The following POLD3 variants were observed in gnomAD, a reference collection of about 807,000 sequenced individuals.
POLD3 encodes the protein DNA polymerase delta subunit 3.
In POLD3, 19 loss-of-function variants were observed where a neutral mutation model predicts 58.2. That is an observed-to-expected ratio of 0.33 (90% CI 0.23 to 0.48). POLD3 has a LOEUF of 0.48. Among genes scored for constraint, POLD3 ranks in the 20% least tolerant of loss-of-function variants. POLD3 has a pLI of 0.99. For synonymous variants in POLD3, 172 were observed against 193.5 expected, an observed-to-expected ratio of 0.89 and a Z score of 0.92; for missense variants, 504 against 545.5, an observed-to-expected ratio of 0.92 and a Z score of 0.76.
chr11:74,600,466 GAAATACAA>G (rs1305483602), intron 2 of POLD3, among the ~76,000 whole-genome samples: 1 of 151,458 alleles, frequency 6.6e-6, no homozygotes, highest in African/African-American at 2.4e-5. Context: ...TGGCGCTACT[GAAATACAA>G]AAATACTAAA....
chr11:74,651,633 G>A (rs1244771911), intron 4 of POLD3, among the ~76,000 whole-genome samples: 2 of 152,210 alleles, frequency 1.3e-5, no homozygotes, highest in Non-Finnish European at 2.9e-5. Flanking sequence ...TGGTGAAAGT[G>A]ACATTTAAGT....
intron 4 of POLD3, among the ~76,000 whole-genome samples, chr11:74,667,772 G>A (rs961488594): frequency 9.2e-5 from 14 of 152,044 alleles, no homozygotes; most frequent in Admixed American, 6.6e-5. Flanking sequence ...CTCAAAAAAC[G>A]AAAAGACAAC....
chr11:74,625,078 A>C, intron 7 of POLD3, among the ~76,000 whole-genome samples: 1 of 152,216 alleles, frequency 6.6e-6, no homozygotes, highest in Non-Finnish European at 1.5e-5. Flanking sequence ...TATTGTTGGG[A>C]AACATCTTGT....
intron 7 of POLD3, among the ~76,000 whole-genome samples, chr11:74,620,934 T>C (rs1482063905): frequency 1.3e-5 from 2 of 152,166 alleles, no homozygotes; most frequent in African/African-American, 2.4e-5. Flanking sequence ...CTTTTTTTTT[T>C]TTTTCATATT....
rs1180362592 is a variant in POLD3 at position 74,594,088 on chromosome 11, C to T, written c.88C>T (p.Leu30=). 3.7e-6 allele frequency: 6 copies of T among 1,605,768 alleles called. No individual in the cohort carries two copies. Among genetic ancestry groups the T allele is most frequent in the South Asian group, 3.3e-5 (3 of 90,808 alleles). The change falls in exon 2 of 12, where the codon CTA becomes TTA. Residue 30 remains leucine (L), a synonymous_variant. Transcript: ENST00000263681. ...IVTYKWLSYT[L]GVHVNQAKQM... ...GACATACAAATGGCTGAGCTATACA[C>T]TAGGGGTTCATGTTAACCAGGCCAA...
intron 3 of POLD3, among the ~76,000 whole-genome samples, chr11:74,611,190 C>T (rs2031898798): frequency 6.6e-6 from 1 of 152,170 alleles, no homozygotes; most frequent in Non-Finnish European, 1.5e-5. Context: ...CTTATTAAAT[C>T]ACTCACTAAA....
chr11:74,599,655 C>T (rs976572277), intron 2 of POLD3, among the ~76,000 whole-genome samples: 4 of 152,118 alleles, frequency 2.6e-5, no homozygotes, highest in African/African-American at 9.7e-5. Context: ...AGCCACCGTG[C>T]CTGGCCTCAT....
intron 4 of POLD3, among the ~76,000 whole-genome samples, chr11:74,665,131 TAAATAATAA>T (rs981937958): frequency 1.4e-5 from 2 of 145,666 alleles, no homozygotes; most frequent in Non-Finnish European, 3.0e-5. Context: ...AATAAATAAA[TAAATAATAA>T]AATAAAAATA....
chr11:74,642,735 A>C lies in POLD3; in HGVS notation c.*1969A>C. Reference sequence around the variant, plus strand: ...GAAGTTGTTTTAAAACAGTGCTTCAAACTGAGTATCTGATGAGTCTCTTAT... The same window carrying C: ...GAAGTTGTTTTAAAACAGTGCTTCACACTGAGTATCTGATGAGTCTCTTAT... On this transcript the variant is annotated 3_prime_UTR_variant, in exon 12 of 12. Coordinates refer to ENST00000263681, the MANE Select transcript of POLD3 (RefSeq NM_006591.3). 1.0e-6 allele frequency: 1 copy of C among 984,562 alleles called. No homozygotes were observed. The highest frequency in any genetic ancestry group is 1.2e-6 in the Non-Finnish European group (1 of 829,164). The allele number at this position is 984,562 out of a possible 1,614,324, so 61.0% of individuals were successfully genotyped here.
At chr11:74,600,350 C>T (rs943645499) in intron 2 of POLD3, among the ~76,000 whole-genome samples, 3 of 152,052 alleles carry the variant, frequency 2.0e-5, no homozygotes, top group African/African-American at 7.2e-5. Flanking sequence ...TTTGGGAGGC[C>T]GAGGAGGGCA....
intron 8 of POLD3, among the ~76,000 whole-genome samples, chr11:74,628,557 A>G (rs2032498418): frequency 6.6e-6 from 1 of 152,172 alleles, no homozygotes; most frequent in African/African-American, 2.4e-5. Context: ...TGGAGTATCC[A>G]TTCATCCAGA....
chr11:74,640,368 T>C (rs1181698325), intron 11 of POLD3, among the ~76,000 whole-genome samples, 196 bp from the exon 12 acceptor site: 1 of 152,194 alleles, frequency 6.6e-6, no homozygotes, highest in Non-Finnish European at 1.5e-5. Context: ...AAATAGAGAC[T>C]GTGTGAGCTC....
At chr11:74,638,358 C>T (rs530345180) in intron 11 of POLD3, among the ~76,000 whole-genome samples, 16 of 152,012 alleles carry the variant, frequency 1.1e-4, no homozygotes, top group African/African-American at 2.4e-4. Context: ...AGCAATGTCT[C>T]ACACAAAATT....
chr11:74,621,873 T>TTTG, intron 7 of POLD3, among the ~76,000 whole-genome samples: 2 of 106,708 alleles, frequency 1.9e-5, no homozygotes, highest in Non-Finnish European at 4.6e-5. Context: ...TTATTTATTT[T>TTTG]ATTATTATTA....
intron 4 of POLD3, among the ~76,000 whole-genome samples, chr11:74,655,568 A>G (rs770832406): frequency 6.6e-6 from 1 of 151,958 alleles, no homozygotes; most frequent in Admixed American, 6.6e-5. Context: ...GGAACACAAC[A>G]CTCAGTAACT....
At chr11:74,628,152 A>G (rs1188198067) in intron 8 of POLD3, among the ~76,000 whole-genome samples, 2 of 152,128 alleles carry the variant, frequency 1.3e-5, no homozygotes, top group Non-Finnish European at 2.9e-5. Context: ...AAACCCGTTC[A>G]TTATATAACT....
rs767897206 is a variant in POLD3, at chr11:74,629,336, A to G, written c.1006+13A>G. On this transcript the variant is annotated intron_variant, in intron 9 of 11. Coordinates refer to ENST00000263681, the MANE Select transcript of POLD3 (RefSeq NM_006591.3). ...AGTGAAGATGAAGGTGGGCATTACC[A>G]TTCATTTTGGGTTAGGGGGATCAAT... 3 of 1,495,156 alleles carry G rather than the reference A, an allele frequency of 2.0e-6. No homozygotes were observed. The highest frequency in any genetic ancestry group is 2.8e-6 in the Non-Finnish European group (3 of 1,080,530). The allele number at this position is 1,495,156 out of a possible 1,614,324, so 92.6% of individuals were successfully genotyped here. A position where few individuals can be genotyped will look rare whatever the true frequency, so the allele number is the denominator to read the frequency against.
At chr11:74,630,654 A>C (rs906058809) in intron 9 of POLD3, among the ~76,000 whole-genome samples, 4 of 152,230 alleles carry the variant, frequency 2.6e-5, no homozygotes, top group African/African-American at 9.6e-5. Flanking sequence ...GAACAACTCC[A>C]TGTAGACACA....
intron 4 of POLD3, among the ~76,000 whole-genome samples, chr11:74,659,520 CAA>C (rs935779632): frequency 2.6e-5 from 4 of 152,146 alleles, no homozygotes; most frequent in African/African-American, 9.7e-5. Flanking sequence ...GCAAATTTTC[CAA>C]AGTTTTATGC....
Sources: gnomAD v4.1 joint callset for allele counts (sites outside exome capture counted in the v4.1 genomes callset) on GRCh38, gnomAD v4.1.1 for gene constraint, MANE v1.5 for transcripts, NCBI Gene and HGNC (gene_info 2026-07-23, HGNC 2026-07-21) for gene names.